The following EBF1 variants were observed in gnomAD, a reference collection of about 807,000 sequenced individuals.
The protein encoded by EBF1 is transcription factor COE1.
EBF1 carries 10 observed loss-of-function variants against 68.4 expected under a neutral mutation model. The observed-to-expected ratio is 0.15, with a 90% confidence interval of 0.09 to 0.25. EBF1 has a LOEUF of 0.25. Ranked by LOEUF, EBF1 falls within the 10% of genes least tolerant of loss-of-function variation. EBF1 has a pLI of 1.00. For missense variants in EBF1, 509 were observed against 794.4 expected (o/e 0.64, Z 4.32); for synonymous variants, 298 against 299.8 (o/e 0.99, Z 0.06).
intron 6 of EBF1, among the ~76,000 whole-genome samples, chr5:159,053,440 A>G (rs1337939527): frequency 6.6e-6 from 1 of 152,228 alleles, no homozygotes; most frequent in Non-Finnish European, 1.5e-5. Context: ...TGTAACCAAG[A>G]AAAGACTAAT....
At chr5:159,095,419 C>T (rs1782418636) in intron 4 of EBF1, among the ~76,000 whole-genome samples, 1 of 152,172 alleles carries the variant, frequency 6.6e-6, no homozygotes, top group East Asian at 1.9e-4. Context: ...TGGAGGGACG[C>T]GCGCGCGTCG....
At chr5:158,969,916 G>GAAAGAA (rs1208082154) in intron 6 of EBF1, among the ~76,000 whole-genome samples, 6 of 80,074 alleles carry the variant, frequency 7.5e-5, no homozygotes, top group African/African-American at 3.0e-4. Context: ...AAGAAAGAAA[G>GAAAGAA]AAAAAAAAAA....
chr5:158,828,802 A>G (rs1365980427), intron 7 of EBF1, among the ~76,000 whole-genome samples: 1 of 152,246 alleles, frequency 6.6e-6, no homozygotes, highest in Non-Finnish European at 1.5e-5. Context: ...CCTTCAATGG[A>G]TGAATGGAAA....
chr5:159,003,380 C>G (rs1422065933), intron 6 of EBF1, among the ~76,000 whole-genome samples: 1 of 151,584 alleles, frequency 6.6e-6, no homozygotes, highest in Non-Finnish European at 1.5e-5. Flanking sequence ...ATAATTTATT[C>G]TGAAGATGTG....
chr5:159,081,962 T>C (rs559464400), intron 5 of EBF1, among the ~76,000 whole-genome samples: 7 of 152,316 alleles, frequency 4.6e-5, no homozygotes, highest in African/African-American at 1.4e-4. Flanking sequence ...AAGAGCTCCA[T>C]GTCCAGTCAA....
chr5:158,986,627 G>A (rs1044213730), intron 6 of EBF1, among the ~76,000 whole-genome samples: 8 of 152,246 alleles, frequency 5.3e-5, no homozygotes, highest in African/African-American at 1.7e-4. Flanking sequence ...ATATTCTGCC[G>A]ACCAAGCCAA....
intron 6 of EBF1, among the ~76,000 whole-genome samples, chr5:158,857,175 C>A (rs930956419): frequency 1.3e-5 from 2 of 151,666 alleles, no homozygotes; most frequent in Non-Finnish European, 2.9e-5. Flanking sequence ...CTCAGCACCC[C>A]TTCTGCTTGG....
chr5:158,994,575 C>T (rs1172199643), intron 6 of EBF1, among the ~76,000 whole-genome samples: 1 of 152,202 alleles, frequency 6.6e-6, no homozygotes, highest in African/African-American at 2.4e-5. Context: ...TATAATATTT[C>T]TTGGAACTCT....
chr5:159,096,185 T>G, intron 3 of EBF1, 158 bp downstream of exon 3: 1 of 761,728 alleles, frequency 1.3e-6, no homozygotes, highest in Non-Finnish European at 2.1e-6. Flanking sequence ...CCTCCTCAGG[T>G]GAAACCTCCT....
chr5:158,990,556 C>T (rs181773852), intron 6 of EBF1, among the ~76,000 whole-genome samples: 1 of 152,262 alleles, frequency 6.6e-6, no homozygotes, highest in Admixed American at 6.5e-5. Context: ...AAATAAGCAC[C>T]AGGCTTGGCT....
chr5:158,824,628 C>T (rs1785634186), intron 7 of EBF1, among the ~76,000 whole-genome samples: 1 of 152,222 alleles, frequency 6.6e-6, no homozygotes, highest in Non-Finnish European at 1.5e-5. Context: ...CAGATGGAGG[C>T]CTCAGTTTCT....
At chr5:158,849,303 C>A (rs1397839710) in intron 6 of EBF1, among the ~76,000 whole-genome samples, 1 of 152,166 alleles carries the variant, frequency 6.6e-6, no homozygotes, top group African/African-American at 2.4e-5. Context: ...GCATTCTTTG[C>A]TAAGTCACAC....
intron 10 of EBF1, among the ~76,000 whole-genome samples, chr5:158,756,368 C>T (rs1381939096): frequency 6.6e-6 from 1 of 151,978 alleles, no homozygotes; most frequent in Non-Finnish European, 1.5e-5. Context: ...CTGGGAGAGT[C>T]TAGATCAATG....
At chr5:158,814,198 C>T (rs1161657627) in intron 8 of EBF1, among the ~76,000 whole-genome samples, 8 of 152,024 alleles carry the variant, frequency 5.3e-5, no homozygotes, top group Admixed American at 2.0e-4. Context: ...AAATAATTAG[C>T]CTGATGTGAT....
chr5:159,023,635 ATGTT>A (rs1333546951), intron 6 of EBF1, among the ~76,000 whole-genome samples: 12 of 152,210 alleles, frequency 7.9e-5, no homozygotes, highest in South Asian at 2.1e-4. Context: ...GGAAAGGAAG[ATGTT>A]TGTTTAATTT....
Position 158,708,281 on chromosome 5 carries a change from C to T in EBF1, c.1550-108G>A, listed in dbSNP as rs976196424. 19 of 1,163,102 alleles carry T rather than the reference C, an allele frequency of 1.6e-5. No homozygotes were observed. The Admixed American group carries it at 1.9e-4, about 11-fold the overall frequency. The allele number at this position is 1,163,102 out of a possible 1,614,324, so 72.0% of individuals were successfully genotyped here. A position where few individuals can be genotyped will look rare whatever the true frequency, so the allele number is the denominator to read the frequency against. ...GCCACCTTGCTCTGCCCTGCTCAGA[C>T]GATGCTTCCAGCACAAACCTTCCCT... is the stretch of plus-strand genomic sequence containing the variant. On this transcript the variant is annotated intron_variant, in intron 14 of 15. Coordinates refer to ENST00000313708, the MANE Select transcript of EBF1 (RefSeq NM_024007.5).
chr5:159,067,324 T>C (rs1299939965), intron 6 of EBF1, among the ~76,000 whole-genome samples: 1 of 152,166 alleles, frequency 6.6e-6, no homozygotes, highest in South Asian at 2.1e-4. Context: ...TATGATGACA[T>C]GGGATTAAAA....
At chr5:159,049,890 AAACT>A (rs1205600030) in intron 6 of EBF1, among the ~76,000 whole-genome samples, 1 of 152,180 alleles carries the variant, frequency 6.6e-6, no homozygotes, top group African/African-American at 2.4e-5. Flanking sequence ...TTGTCCTACA[AAACT>A]AACTCTCTCC....
intron 7 of EBF1, among the ~76,000 whole-genome samples, chr5:158,829,608 A>C (rs55779000): frequency 6.6e-6 from 1 of 151,794 alleles, no homozygotes; most frequent in South Asian, 2.1e-4. Flanking sequence ...GGGGTTGAGA[A>C]GGTATTATAT....
Sources: allele counts gnomAD v4.1 joint callset (sites outside exome capture counted in the v4.1 genomes callset), GRCh38; gene constraint gnomAD v4.1.1; transcripts MANE v1.5; gene names NCBI Gene and HGNC (gene_info 2026-07-23, HGNC 2026-07-21).